WAC: variants seen among roughly 807,000 people sequenced by gnomAD.
WAC encodes WW domain-containing adapter protein with coiled-coil.
In WAC, 11 loss-of-function variants were observed where a neutral mutation model predicts 79.6. The ratio of observed to expected loss-of-function variants is 0.14; its 90% CI spans 0.09 to 0.23. WAC has a LOEUF of 0.23. Among genes scored for constraint, WAC ranks in the 10% least tolerant of loss-of-function variants. The probability of loss-of-function intolerance (pLI) is 1.00; values close to 1 mark genes in which losing one functional copy is unlikely to be tolerated. For missense variants in WAC, 728 were observed against 773.5 expected, an observed-to-expected ratio of 0.94 and a Z score of 0.70; for synonymous variants, 304 against 276.9, an observed-to-expected ratio of 1.10 and a Z score of -0.97.
At chr10:28,555,405 C>T (rs1443977669) in intron 3 of WAC, among the ~76,000 whole-genome samples, 1 of 150,382 alleles carries the variant, frequency 6.6e-6, no homozygotes, top group Non-Finnish European at 1.5e-5. Context: ...AAATGTTATT[C>T]AGTGATACTT....
chr10:28,535,041 C>G (rs928806768), intron 2 of WAC, among the ~76,000 whole-genome samples: 1 of 151,224 alleles, frequency 6.6e-6, no homozygotes. Flanking sequence ...AAAATTGTTT[C>G]CCACACCTGG....
intron 3 of WAC, among the ~76,000 whole-genome samples, chr10:28,537,114 A>G (rs1836722066): frequency 6.6e-6 from 1 of 152,216 alleles, no homozygotes; most frequent in Admixed American, 6.5e-5. Flanking sequence ...GGGATTGAAT[A>G]ATTTGGATGA....
At chr10:28,607,089 C>T (rs752236393) in intron 7 of WAC, among the ~76,000 whole-genome samples, 6 of 152,138 alleles carry the variant, frequency 3.9e-5, no homozygotes, top group Non-Finnish European at 8.8e-5. Flanking sequence ...GTCTTCTGTA[C>T]ATTTTTCTAT....
intron 3 of WAC, among the ~76,000 whole-genome samples, chr10:28,541,874 C>T (rs1186870332): frequency 6.6e-6 from 1 of 152,094 alleles, no homozygotes. Context: ...CCCTAGTGTT[C>T]CCGAGTCCAT....
intron 7 of WAC, among the ~76,000 whole-genome samples, chr10:28,601,584 A>T (rs560970621): frequency 6.6e-6 from 1 of 152,236 alleles, no homozygotes; most frequent in South Asian, 2.1e-4. Context: ...AAAGGCAGAG[A>T]CTCAAAACAT....
chr10:28,577,495 CTT>C (rs1240496934), intron 3 of WAC, among the ~76,000 whole-genome samples: 6 of 152,094 alleles, frequency 3.9e-5, no homozygotes. Flanking sequence ...AGAATTCAGT[CTT>C]TTCAAGGCGA....
At chr10:28,561,279 C>G (rs1159153502) in intron 3 of WAC, among the ~76,000 whole-genome samples, 5 of 152,218 alleles carry the variant, frequency 3.3e-5, no homozygotes, top group Non-Finnish European at 7.3e-5. Context: ...CTCTCCAGAA[C>G]TGGGTACTCG....
Position 28,621,220 on chromosome 10 carries a change from T to A in WAC, c.*1614T>A, listed in dbSNP as rs1262722626. 6.7e-6 allele frequency: 1 copy of A among 148,492 alleles called. No homozygotes were observed. The highest frequency in any genetic ancestry group is 1.5e-5 in the Non-Finnish European group (1 of 67,072). The allele number at this position is 148,492 out of a possible 1,614,324, so 9.2% of individuals were successfully genotyped here. A position where few individuals can be genotyped will look rare whatever the true frequency, so the allele number is the denominator to read the frequency against. ...TGGTTTAGGGTTTTTTGGTGATTTT[T>A]TTTTTTTTTTTTTTTCTGTTGGGGC... is the stretch of plus-strand genomic sequence containing the variant. On this transcript the variant is annotated 3_prime_UTR_variant, in exon 14 of 14. Coordinates refer to ENST00000354911, the MANE Select transcript of WAC (RefSeq NM_016628.5).
At chr10:28,559,136 ATGTGTGTGTGTG>A (rs111740298) in intron 3 of WAC, among the ~76,000 whole-genome samples, 34,026 of 146,722 alleles carry the variant, frequency 0.23, 4,654 homozygotes, top group Non-Finnish European at 0.28. Context: ...GAGAAACCTG[ATGTGTGTGTGTG>A]TGTGTGTGTG....
At chr10:28,553,730 C>T (rs540279016) in intron 3 of WAC, among the ~76,000 whole-genome samples, 8 of 152,070 alleles carry the variant, frequency 5.3e-5, no homozygotes, top group Admixed American at 4.6e-4. Flanking sequence ...TGTGGTTTCC[C>T]CAACCACAGA....
rs547989713 is a variant in WAC, at chr10:28,616,090, A to G, written c.1557-83A>G. On this transcript the variant is annotated intron_variant, in intron 11 of 13. Coordinates refer to ENST00000354911, the MANE Select transcript of WAC (RefSeq NM_016628.5). ...GAATTTGGATATCTTTAAGTTAATA[A>G]AAGGTATTAACATGCAGTTTCTAGG... The G allele has an allele frequency of 4.0e-4, 442 of 1,116,832 alleles. No homozygotes were observed. The African/African-American group carries it at 5.7e-3, about 14-fold the overall frequency. The allele number at this position is 1,116,832 out of a possible 1,614,324, so 69.2% of individuals were successfully genotyped here. A position where few individuals can be genotyped will look rare whatever the true frequency, so the allele number is the denominator to read the frequency against.
rs754722221 is a variant in WAC, at chr10:28,590,809, C to A, written c.587C>A (p.Ala196Asp). The change falls in exon 6 of 14, where the codon GCC becomes GAC. Residue 196 changes from alanine (A) to aspartate (D), a missense_variant. Physicochemically the swap from Ala to Asp is moderately radical, Grantham distance 126. Around this residue, in one of 3 missense-constraint regions of WAC, gnomAD observed 648 missense variants for 661.5 expected, o/e 0.98. Coordinates refer to ENST00000354911, the MANE Select transcript of WAC (RefSeq NM_016628.5). ...DYRREVMQAT[A>D]TSGFASGMED... The stretch of plus-strand genomic sequence containing the variant: ...AGAAGAGAGGTGATGCAAGCAACAG[C>A]CACTAGTGGGTTTGCCAGTGGAAGT... 6.2e-7 allele frequency: 1 copy of A among 1,611,082 alleles called. No homozygotes were observed. Among genetic ancestry groups the A allele is most frequent in the African/African-American group, 1.3e-5 (1 of 74,694 alleles).
At chr10:28,589,887 C>T in intron 5 of WAC, 36 bp downstream of exon 5, 1 of 1,469,572 alleles carries the variant, frequency 6.8e-7, no homozygotes, top group Non-Finnish European at 9.5e-7. Context: ...CATTATTTCT[C>T]TAGCTTGGTT....
chr10:28,560,205 T>C (rs1347433205), intron 3 of WAC, among the ~76,000 whole-genome samples: 2 of 151,846 alleles, frequency 1.3e-5, no homozygotes, highest in Non-Finnish European at 2.9e-5. Flanking sequence ...AATTTAAAAA[T>C]TAGCCAGGCA....
At chr10:28,535,396 G>GT (rs1836587525) in intron 2 of WAC, 166 bp from the exon 3 acceptor site, 9 of 758,292 alleles carry the variant, frequency 1.2e-5, no homozygotes, top group African/African-American at 5.5e-5. Context: ...TAAGCATTAG[G>GT]TTTTTTGTCT....
rs763038080 is a variant in WAC at position 28,608,279 on chromosome 10, C to T, written c.1013C>T (p.Thr338Ile). The change falls in exon 8 of 14, where the codon ACA (threonine) becomes ATA (isoleucine). Residue 338 changes from threonine (T) to isoleucine (I), a missense_variant. By Grantham distance (89) the Thr-to-Ile change is moderately conservative. This residue lies in a region of WAC where 648 missense variants were observed against 661.5 expected (regional missense o/e 0.98). Coordinates refer to ENST00000354911, the MANE Select transcript of WAC (RefSeq NM_016628.5). ...CTGAACCCCACATCTGCACCTCCAA[C>T]ATCTGCTTCAGCGGTCCCTGTTTCT... ...SGLNPTSAPP[T>I]SASAVPVSPV... The T allele has an allele frequency of 2.5e-6, 4 of 1,614,118 alleles. No individual in the cohort carries two copies. In the South Asian group the frequency reaches 3.3e-5, roughly 13 times the overall value.
chr10:28,542,324 T>C (rs906082133), intron 3 of WAC, among the ~76,000 whole-genome samples: 19 of 152,318 alleles, frequency 1.2e-4, no homozygotes, highest in Middle Eastern at 6.8e-3. Flanking sequence ...GATTTACTTA[T>C]AGTCATTCTG....
intron 3 of WAC, among the ~76,000 whole-genome samples, chr10:28,557,998 C>T (rs765493154): frequency 3.9e-5 from 6 of 152,036 alleles, no homozygotes; most frequent in Non-Finnish European, 5.9e-5. Context: ...TGCTTGAACC[C>T]AGGAGGCGGA....
chr10:28,617,456 T>G (rs902707956), intron 12 of WAC, among the ~76,000 whole-genome samples: 2 of 152,204 alleles, frequency 1.3e-5, no homozygotes, highest in African/African-American at 4.8e-5. Context: ...AGAGAAATAT[T>G]AAAATAAGTA....
Sources: gnomAD v4.1 joint callset for allele counts (sites outside exome capture counted in the v4.1 genomes callset) on GRCh38, gnomAD v4.1.1 for gene constraint, gnomAD v4.1.1 regional missense constraint, MANE v1.5 for transcripts, NCBI Gene and HGNC (gene_info 2026-07-23, HGNC 2026-07-21) for gene names.